The following IL21R variants were observed in gnomAD, a reference collection of about 807,000 sequenced individuals.
The protein encoded by IL21R is interleukin 21 receptor.
A neutral mutation model predicts 41.3 loss-of-function variants in IL21R; 14 were observed. That is an observed-to-expected ratio of 0.34 (90% CI 0.22 to 0.53). The LOEUF (loss-of-function observed/expected upper bound fraction) is 0.53. Ranked by LOEUF, IL21R falls within the 20% of genes least tolerant of loss-of-function variation. The pLI is 0.94. For synonymous variants in IL21R, 286 were observed against 287.6 expected, an observed-to-expected ratio of 0.99 and a Z score of 0.05; for missense variants, 588 against 681.6, an observed-to-expected ratio of 0.86 and a Z score of 1.53.
intron 1 of IL21R, among the ~76,000 whole-genome samples, chr16:27,416,377 A>G (rs2086893953): frequency 6.6e-6 from 1 of 152,184 alleles, no homozygotes; most frequent in African/African-American, 2.4e-5. Flanking sequence ...ACCTCAGGTC[A>G]TCCACCCACC....
chr16:27,449,314 G>T lies in IL21R; in HGVS notation c.*31G>T. 6.5e-7 allele frequency: 1 copy of T among 1,545,768 alleles called. No individual in the cohort carries two copies. Among genetic ancestry groups the T allele is most frequent in the Non-Finnish European group, 8.7e-7 (1 of 1,148,662 alleles). ...CTGACTGGATGTCCAGAGCTGGCCAGGCCACTGGGCCCTGAGCCAGAGACA... is the reference window on the plus strand; with the variant it reads ...CTGACTGGATGTCCAGAGCTGGCCATGCCACTGGGCCCTGAGCCAGAGACA... On this transcript the variant is annotated 3_prime_UTR_variant, in exon 9 of 9. Coordinates refer to ENST00000337929, the MANE Select transcript of IL21R (RefSeq NM_181078.3).
chr16:27,446,685 C>T (rs2087486105), intron 8 of IL21R, among the ~76,000 whole-genome samples: 1 of 152,164 alleles, frequency 6.6e-6, no homozygotes. Flanking sequence ...GGCTGGTGGT[C>T]TCCTGAGTCA....
At position 27,430,110 on chromosome 16, in the gene IL21R, G is replaced by T. The variant is rs780077018; in HGVS notation, c.39G>T (p.Leu13=). 1.2e-6 allele frequency: 2 copies of T among 1,604,402 alleles called. No individual in the cohort carries two copies. Among genetic ancestry groups the T allele is most frequent in the South Asian group, 1.1e-5 (1 of 90,956 alleles). ...GGGCCGCCCCCTTGCTCCTGCTGCT[G>T]CTCCAGGGAGGTAAGTGGCTGCCCC... ...RGWAAPLLLL[L]LQGGWGCPDL... Residue 13 remains leucine, a synonymous_variant, in exon 2 of 9, where the codon CTG becomes CTT. Transcript: ENST00000337929.
chr16:27,417,872 G>C (rs1405392338), intron 1 of IL21R, among the ~76,000 whole-genome samples: 1 of 152,144 alleles, frequency 6.6e-6, no homozygotes, highest in Non-Finnish European at 1.5e-5. Context: ...ATTAAGTGCT[G>C]AGGGAATGTG....
At chr16:27,420,863 A>G (rs977735807) in intron 1 of IL21R, among the ~76,000 whole-genome samples, 1 of 152,174 alleles carries the variant, frequency 6.6e-6, no homozygotes, top group African/African-American at 2.4e-5. Context: ...TTTGTGTCAT[A>G]TTTAAAAAAC....
At chr16:27,437,397 C>A in intron 3 of IL21R, 91 bp from the exon 4 acceptor site, 1 of 1,051,804 alleles carries the variant, frequency 9.5e-7, no homozygotes, top group Non-Finnish European at 1.5e-6. Flanking sequence ...CCCTGAGAGT[C>A]TGGGCTTCTG....
chr16:27,427,730 C>T (rs932937286), intron 1 of IL21R, among the ~76,000 whole-genome samples: 1 of 152,008 alleles, frequency 6.6e-6, no homozygotes, highest in Non-Finnish European at 1.5e-5. Context: ...GGACTCGCAC[C>T]GTGGCTGGGG....
chr16:27,430,229 C>A, intron 2 of IL21R, 109 bp downstream of exon 2: 1 of 901,434 alleles, frequency 1.1e-6, no homozygotes, highest in Non-Finnish European at 1.7e-6. Context: ...TCCACAGATT[C>A]AGAAAAGATG....
intron 2 of IL21R, among the ~76,000 whole-genome samples, chr16:27,431,405 G>A (rs1207993563): frequency 6.6e-6 from 1 of 152,128 alleles, no homozygotes; most frequent in Admixed American, 6.6e-5. Context: ...TTGTAATGAC[G>A]CCCAGTTTTT....
At chr16:27,427,438 C>A in intron 1 of IL21R, 1 of 536,622 alleles carries the variant, frequency 1.9e-6, no homozygotes, top group South Asian at 8.0e-5. Context: ...CTCTTTCATT[C>A]AGGCTGGAGT....
intron 4 of IL21R, among the ~76,000 whole-genome samples, chr16:27,441,315 C>T (rs1016769191): frequency 6.6e-6 from 1 of 152,204 alleles, no homozygotes; most frequent in Non-Finnish European, 1.5e-5. Context: ...ATTTAAGGCC[C>T]TTAACATATT....
intron 1 of IL21R, among the ~76,000 whole-genome samples, chr16:27,419,705 G>C (rs1023154024): frequency 2.6e-5 from 4 of 152,108 alleles, no homozygotes; most frequent in Admixed American, 6.5e-5. Context: ...TGGGATTACA[G>C]GCGTAAGCCA....
chr16:27,435,279 A>G (rs1337404971), intron 3 of IL21R, among the ~76,000 whole-genome samples: 2 of 151,792 alleles, frequency 1.3e-5, no homozygotes, highest in Admixed American at 6.6e-5. Context: ...ACAAAACAAA[A>G]CATGTATTAA....
chr16:27,410,532 A>C (rs1410941842), intron 1 of IL21R, among the ~76,000 whole-genome samples: 6 of 152,170 alleles, frequency 3.9e-5, no homozygotes, highest in Non-Finnish European at 8.8e-5. Context: ...AATAGCTATC[A>C]AACCCAGCCC....
At chr16:27,428,086 C>T (rs549977387) in intron 1 of IL21R, among the ~76,000 whole-genome samples, 4 of 152,306 alleles carry the variant, frequency 2.6e-5, no homozygotes, top group Admixed American at 6.5e-5. Context: ...CATTCTGAGA[C>T]CCCCTCTGTT....
chr16:27,423,231 GT>G lies in IL21R; in HGVS notation c.-16-6814del, dbSNP rs35803575. On this transcript the variant is annotated intron_variant, in intron 1 of 8. Coordinates refer to ENST00000337929, the MANE Select transcript of IL21R (RefSeq NM_181078.3). ...ATATAAGTTGGCACTCTCTTGTGCA[GT>G]TTTTTTTTTTCTGCTTAGTAGTTGC... 1.1e-3 allele frequency among the ~76,000 whole-genome samples: 159 copies of G among 148,548 alleles called. 1 individual carries two copies. The highest frequency in any genetic ancestry group is 1.7e-3 in the Non-Finnish European group (111 of 66,970).
intron 2 of IL21R, among the ~76,000 whole-genome samples, chr16:27,432,307 A>T (rs1402585048): frequency 6.6e-6 from 1 of 152,226 alleles, no homozygotes; most frequent in Non-Finnish European, 1.5e-5. Flanking sequence ...TCCGGCTTAC[A>T]CATGGGGAGG....
intron 1 of IL21R, among the ~76,000 whole-genome samples, chr16:27,409,221 T>G (rs2086791912): frequency 6.8e-6 from 1 of 147,448 alleles, no homozygotes; most frequent in Admixed American, 6.8e-5. Context: ...AATTTATATT[T>G]TATAAATATA....
intron 3 of IL21R, among the ~76,000 whole-genome samples, chr16:27,436,258 G>A (rs1344159141): frequency 6.6e-6 from 1 of 152,240 alleles, no homozygotes; most frequent in Non-Finnish European, 1.5e-5. Flanking sequence ...AATACTGGGT[G>A]CTATATCAAG....
Sources: gnomAD v4.1 joint callset for allele counts (sites outside exome capture counted in the v4.1 genomes callset) on GRCh38, gnomAD v4.1.1 for gene constraint, MANE v1.5 for transcripts, NCBI Gene and HGNC (gene_info 2026-07-23, HGNC 2026-07-21) for gene names.